Variants in LRRC69 observed in about 807,000 individuals in gnomAD.
LRRC69 encodes leucine rich repeat containing 69.
LRRC69 carries 42 observed loss-of-function variants against 37.8 expected under a neutral mutation model. The observed-to-expected ratio is 1.11, with a 90% confidence interval of 0.87 to 1.44. The LOEUF (loss-of-function observed/expected upper bound fraction) is 1.44, where lower values mean the gene tolerates loss of function less well. Ranked by LOEUF, LRRC69 falls within the 40% of genes most tolerant of loss-of-function variation. LRRC69 has a pLI of 0.00. For missense variants in LRRC69, 357 were observed against 401.9 expected, an observed-to-expected ratio of 0.89 and a Z score of 0.96; for synonymous variants, 141 against 143.1, an observed-to-expected ratio of 0.99 and a Z score of 0.11.
chr8:91,126,331 C>G (rs1160235658), intron 2 of LRRC69, among the ~76,000 whole-genome samples: 1 of 151,906 alleles, frequency 6.6e-6, no homozygotes, highest in Non-Finnish European at 1.5e-5. Flanking sequence ...AGATTGCAAA[C>G]TGGTGGCCCA....
chr8:91,194,233 G>T (rs1809553378), intron 6 of LRRC69, among the ~76,000 whole-genome samples: 1 of 146,182 alleles, frequency 6.8e-6, no homozygotes, highest in Non-Finnish European at 1.5e-5. Context: ...TTGATGTGCT[G>T]CTGGATTCGG....
chr8:91,194,835 G>C (rs1460659554), intron 6 of LRRC69, among the ~76,000 whole-genome samples: 35 of 151,848 alleles, frequency 2.3e-4, no homozygotes, highest in African/African-American at 6.3e-4. Context: ...TTTTGTGTCT[G>C]TATTTCCTTC....
chr8:91,157,249 A>T, intron 5 of LRRC69: 1 of 1,418,032 alleles, frequency 7.1e-7, no homozygotes. Context: ...ATTAGAAAGC[A>T]CACTTCACCT....
rs536120834 is a variant in LRRC69 at position 91,155,716 on chromosome 8, CAT to C, written c.651+19978_651+19979del. Among the ~76,000 whole-genome samples, 6 of 150,852 alleles carry C rather than the reference CAT, an allele frequency of 4.0e-5. No individual in the cohort carries two copies. The East Asian group carries it at 7.8e-4, about 20-fold the overall frequency. On this transcript the variant is annotated intron_variant, in intron 5 of 7. Coordinates refer to ENST00000448384, the Ensembl canonical transcript of LRRC69. ...ATGAACTCAACATTTTTATCTCACA[CAT>C]GAGTGATAACATGCGGTATTTATCT...
chr8:91,190,858 C>T (rs531237341), intron 6 of LRRC69, among the ~76,000 whole-genome samples: 4 of 152,126 alleles, frequency 2.6e-5, no homozygotes, highest in East Asian at 1.9e-4. Flanking sequence ...AGTTTGAGAC[C>T]AGCCTGGCCA....
At chr8:91,197,563 C>A (rs1032500928) in intron 6 of LRRC69, among the ~76,000 whole-genome samples, 1 of 152,090 alleles carries the variant, frequency 6.6e-6, no homozygotes, top group African/African-American at 2.4e-5. Context: ...TTTTTTAAGC[C>A]CGTCGGAAAA....
At chr8:91,192,339 A>G (rs902778651) in intron 6 of LRRC69, among the ~76,000 whole-genome samples, 1 of 152,156 alleles carries the variant, frequency 6.6e-6, no homozygotes, top group African/African-American at 2.4e-5. Flanking sequence ...AGCATGATTT[A>G]TAGTCCTTTG....
chr8:91,187,650 C>G (rs1214618413), intron 5 of LRRC69, among the ~76,000 whole-genome samples: 2 of 152,152 alleles, frequency 1.3e-5, no homozygotes, highest in Admixed American at 6.5e-5. Context: ...ACCTTCACTG[C>G]TTTCTTCCTG....
intron 7 of LRRC69, among the ~76,000 whole-genome samples, chr8:91,208,117 G>A (rs773168342): frequency 5.9e-5 from 9 of 152,128 alleles, no homozygotes; most frequent in Non-Finnish European, 1.2e-4. Context: ...TTTAACCTAA[G>A]TAACACTTTA....
At chr8:91,154,397 G>T (rs186955024) in intron 5 of LRRC69, among the ~76,000 whole-genome samples, 1 of 151,862 alleles carries the variant, frequency 6.6e-6, no homozygotes, top group Non-Finnish European at 1.5e-5. Flanking sequence ...GCATCATTCT[G>T]ATACCAAAGC....
chr8:91,206,837 G>A (rs1186377056), intron 7 of LRRC69: 8 of 1,288,220 alleles, frequency 6.2e-6, no homozygotes, highest in Non-Finnish European at 8.1e-6. Context: ...CCAAGGCAAG[G>A]AGAAACCAAG....
At chr8:91,195,999 T>C (rs1313677450) in intron 6 of LRRC69, among the ~76,000 whole-genome samples, 1 of 152,234 alleles carries the variant, frequency 6.6e-6, no homozygotes, top group East Asian at 1.9e-4. Context: ...TTCCTTTCCA[T>C]GTTTAGCGCT....
intron 6 of LRRC69, among the ~76,000 whole-genome samples, chr8:91,192,041 T>C (rs1423091159): frequency 7.7e-6 from 1 of 129,808 alleles, no homozygotes; most frequent in Admixed American, 9.7e-5. Flanking sequence ...TTCCCCTTCC[T>C]GTGTCCATGT....
chr8:91,106,937 C>T (rs939507022), intron 1 of LRRC69, among the ~76,000 whole-genome samples: 9 of 151,424 alleles, frequency 5.9e-5, no homozygotes, highest in Non-Finnish European at 1.0e-4. Context: ...GGGCTACAGG[C>T]GTGTGCCACT....
intron 6 of LRRC69, among the ~76,000 whole-genome samples, chr8:91,194,483 C>G (rs1486175304): frequency 6.6e-6 from 1 of 151,838 alleles, no homozygotes; most frequent in Non-Finnish European, 1.5e-5. Context: ...GTCCTGGACT[C>G]TTTTTGGTTA....
intron 6 of LRRC69, among the ~76,000 whole-genome samples, chr8:91,197,861 C>A (rs1809643780): frequency 6.6e-6 from 1 of 152,094 alleles, no homozygotes; most frequent in South Asian, 2.1e-4. Flanking sequence ...GCCATCTTGG[C>A]TCCTCCCGTC....
At chr8:91,157,106 TG>T (rs1250085792) in intron 5 of LRRC69, among the ~76,000 whole-genome samples, 2 of 151,340 alleles carry the variant, frequency 1.3e-5, no homozygotes, top group Non-Finnish European at 1.5e-5. Context: ...GGGGGTCTTC[TG>T]TGGTTCCATA....
At chr8:91,159,451 A>G (rs1360115683) in intron 5 of LRRC69, among the ~76,000 whole-genome samples, 1 of 151,300 alleles carries the variant, frequency 6.6e-6, no homozygotes, top group Non-Finnish European at 1.5e-5. Flanking sequence ...ATATCAATGA[A>G]CTAAACTTGA....
intron 6 of LRRC69, among the ~76,000 whole-genome samples, chr8:91,197,046 G>A (rs536146328): frequency 6.6e-6 from 1 of 151,694 alleles, no homozygotes; most frequent in Non-Finnish European, 1.5e-5. Flanking sequence ...CTGTTTGTTA[G>A]TTTTCCTTCT....
Sources: gnomAD v4.1 joint callset for allele counts (sites outside exome capture counted in the v4.1 genomes callset) on GRCh38, gnomAD v4.1.1 for gene constraint, MANE v1.5 for transcripts, NCBI Gene and HGNC (gene_info 2026-07-23, HGNC 2026-07-21) for gene names.